ZPLD1: variants seen among roughly 807,000 people sequenced by gnomAD.
The protein encoded by ZPLD1 is zona pellucida-like domain-containing protein 1.
A neutral mutation model predicts 47.2 loss-of-function variants in ZPLD1; 34 were observed. That is an observed-to-expected ratio of 0.72 (90% CI 0.55 to 0.96). The LOEUF is 0.96. ZPLD1 is among the 40% of genes least tolerant of loss of function. ZPLD1 has a pLI of 0.00. For synonymous variants in ZPLD1, 176 were observed against 186.2 expected (o/e 0.95, Z 0.45); for missense variants, 512 against 505.8 (o/e 1.01, Z -0.12).
intron 3 of ZPLD1, among the ~76,000 whole-genome samples, chr3:102,440,283 T>A (rs1427453656): frequency 6.6e-6 from 1 of 152,136 alleles, no homozygotes; most frequent in East Asian, 1.9e-4. Flanking sequence ...TAGAATAGAC[T>A]AGAGGCAGAG....
At chr3:102,421,390 A>G (rs948501173) in intron 8 of ZPLD1, among the ~76,000 whole-genome samples, 1 of 151,858 alleles carries the variant, frequency 6.6e-6, no homozygotes, top group Non-Finnish European at 1.5e-5. Flanking sequence ...ATTTTCATGT[A>G]ATAAGTTATA....
At chr3:102,440,792 A>G (rs1222033782) in intron 3 of ZPLD1, among the ~76,000 whole-genome samples, 3 of 151,896 alleles carry the variant, frequency 2.0e-5, no homozygotes, top group South Asian at 2.1e-4. Context: ...AAAAGAAAGG[A>G]GCAACCTGAG....
intron 1 of ZPLD1, 99 bp downstream of exon 1, chr3:102,435,253 G>T: frequency 7.5e-7 from 1 of 1,327,702 alleles, no homozygotes. Flanking sequence ...CGTAAGCCCT[G>T]CCAAGACTAT....
At chr3:102,451,510 T>G (rs1707336346) in intron 3 of ZPLD1, among the ~76,000 whole-genome samples, 1 of 152,212 alleles carries the variant, frequency 6.6e-6, no homozygotes. Context: ...GTAAAGTCAC[T>G]CTCTTAGTTT....
chr3:102,421,628 G>A (rs1208761091), intron 8 of ZPLD1, among the ~76,000 whole-genome samples: 1 of 151,790 alleles, frequency 6.6e-6, no homozygotes, highest in African/African-American at 2.4e-5. Flanking sequence ...TAAAATGTGT[G>A]CCATCACTGT....
chr3:102,422,142 T>C (rs1706887379), intron 8 of ZPLD1, among the ~76,000 whole-genome samples: 1 of 152,026 alleles, frequency 6.6e-6, no homozygotes, highest in Non-Finnish European at 1.5e-5. Context: ...TAATCATTCA[T>C]TTAACAAACA....
intron 3 of ZPLD1, among the ~76,000 whole-genome samples, chr3:102,450,639 G>C (rs1576155036): frequency 6.6e-6 from 1 of 152,078 alleles, no homozygotes; most frequent in East Asian, 1.9e-4. Flanking sequence ...TGAGCATGAG[G>C]ATGACACGAC....
intron 8 of ZPLD1, among the ~76,000 whole-genome samples, chr3:102,426,805 C>T (rs1453196089): frequency 2.0e-5 from 3 of 152,034 alleles, no homozygotes; most frequent in Admixed American, 1.3e-4. Context: ...TCATCATGTC[C>T]AAAAGTATCA....
At position 102,477,766 on chromosome 3, in the gene ZPLD1, T is replaced by C; in HGVS notation, c.*148T>C. ...ACAGTATAGCTTGTCAGCATAATGATAGTGAAAGAAGTTTATTATATTGCT... is the reference window on the plus strand; with the variant it reads ...ACAGTATAGCTTGTCAGCATAATGACAGTGAAAGAAGTTTATTATATTGCT... On this transcript the variant is annotated 3_prime_UTR_variant, in exon 12 of 12. Transcript: ENST00000466937. 6 of 723,352 alleles carry C rather than the reference T, an allele frequency of 8.3e-6. No individual in the cohort carries two copies. In the East Asian group the frequency reaches 9.3e-5, roughly 11 times the overall value. 44.8% of individuals were successfully genotyped at this position (723,352 alleles called of 1,614,324 possible).
intron 7 of ZPLD1, among the ~76,000 whole-genome samples, chr3:102,394,959 C>A (rs1325914559): frequency 6.6e-6 from 1 of 152,112 alleles, no homozygotes; most frequent in Non-Finnish European, 1.5e-5. Context: ...ATTATAGGTG[C>A]AAAGCACAGC....
At chr3:102,412,811 CTATATATACACACATATGTG>C (rs1706760570) in intron 7 of ZPLD1, among the ~76,000 whole-genome samples, 1 of 151,376 alleles carries the variant, frequency 6.6e-6, no homozygotes, top group African/African-American at 2.4e-5. Context: ...GTATATATCC[CTATATATACACACATATGTG>C]TATATATATG....
chr3:102,419,484 A>G lies in ZPLD1; in HGVS notation c.-9+1277A>G, dbSNP rs910868643. 4.6e-5 allele frequency among the ~76,000 whole-genome samples: 7 copies of G among 152,122 alleles called. No individual in the cohort carries two copies. In the East Asian group the frequency reaches 1.4e-3, roughly 30 times the overall value. The stretch of plus-strand genomic sequence containing the variant: ...ACATAGTAACAAGATCATGGTAGAC[A>G]TTACAACAAATTCTACATTTCTTTG... On this transcript the variant is annotated intron_variant, in intron 8 of 17. Transcript: ENST00000491959.
intron 6 of ZPLD1, among the ~76,000 whole-genome samples, chr3:102,460,322 G>T (rs1036953542): frequency 6.6e-6 from 1 of 151,940 alleles, no homozygotes; most frequent in South Asian, 2.1e-4. Context: ...TCAGTTCGAT[G>T]TAGCACAATA....
At chr3:102,387,899 C>T (rs1320360411) in intron 6 of ZPLD1, among the ~76,000 whole-genome samples, 2 of 118,610 alleles carry the variant, frequency 1.7e-5, no homozygotes, top group Admixed American at 2.4e-4. Context: ...CTCTCTCTGT[C>T]GCCCAGGCTG....
chr3:102,453,362 G>C (rs1707368531), intron 4 of ZPLD1, among the ~76,000 whole-genome samples: 1 of 152,184 alleles, frequency 6.6e-6, no homozygotes, highest in Non-Finnish European at 1.5e-5. Context: ...TCTGAGGTCA[G>C]CTGTGCCCCT....
intron 3 of ZPLD1, among the ~76,000 whole-genome samples, chr3:102,451,214 A>G (rs188799606): frequency 4.6e-4 from 70 of 152,358 alleles, no homozygotes; most frequent in Middle Eastern, 3.4e-3. Context: ...TAAACACTCT[A>G]AAGAGATAAT....
intron 10 of ZPLD1, among the ~76,000 whole-genome samples, chr3:102,473,966 C>G (rs1248244257): frequency 6.6e-6 from 1 of 152,156 alleles, no homozygotes; most frequent in Non-Finnish European, 1.5e-5. Context: ...AAGTTTTGCT[C>G]TATTTGCTCA....
rs559695314 is a variant in ZPLD1, at chr3:102,435,123, C to T, written c.-154C>T. ...AAGCTTGCTATGGCAAGATGATGCT[C>T]AGGTTTTCCATGTGCAGGGGAAATG... On this transcript the variant is annotated 5_prime_UTR_variant, in exon 1 of 12. Coordinates refer to ENST00000466937, the MANE Select transcript of ZPLD1 (RefSeq NM_001329788.2). 5.0e-6 allele frequency: 8 copies of T among 1,613,962 alleles called. No homozygotes were observed. The highest frequency in any genetic ancestry group is 5.9e-6 in the Non-Finnish European group (7 of 1,179,998).
intron 4 of ZPLD1, among the ~76,000 whole-genome samples, chr3:102,454,796 C>A (rs1707387277): frequency 6.6e-6 from 1 of 152,192 alleles, no homozygotes; most frequent in Non-Finnish European, 1.5e-5. Context: ...GCGGAGGTTG[C>A]AGTGAGCCGA....
Sources: gnomAD v4.1 joint callset for allele counts (sites outside exome capture counted in the v4.1 genomes callset) on GRCh38, gnomAD v4.1.1 for gene constraint, MANE v1.5 for transcripts, NCBI Gene and HGNC (gene_info 2026-07-23, HGNC 2026-07-21) for gene names.